CLASP1: variants seen among roughly 807,000 people sequenced by gnomAD.
CLASP1 encodes the protein cytoplasmic linker associated protein 1.
In CLASP1, 38 loss-of-function variants were observed where a neutral mutation model predicts 192.3. That is an observed-to-expected ratio of 0.20 (90% CI 0.15 to 0.26). The LOEUF (loss-of-function observed/expected upper bound fraction) is 0.26. Among genes scored for constraint, CLASP1 ranks in the 10% least tolerant of loss-of-function variants. The probability of loss-of-function intolerance (pLI) is 1.00; values close to 1 mark genes in which losing one functional copy is unlikely to be tolerated. For missense variants in CLASP1, 1,433 were observed against 1,932.5 expected, an observed-to-expected ratio of 0.74 and a Z score of 4.85; for synonymous variants, 691 against 712.8, an observed-to-expected ratio of 0.97 and a Z score of 0.49.
intron 30 of CLASP1, among the ~76,000 whole-genome samples, chr2:121,390,034 C>T (rs897551516): frequency 1.9e-4 from 29 of 152,116 alleles, no homozygotes; most frequent in African/African-American, 6.8e-4. Context: ...GCCATAGTGC[C>T]GGGCCCAAGT....
rs1453729675 is a variant in CLASP1 at position 121,430,110 on chromosome 2, C to G, written c.1980G>C (p.Arg660=). The change falls in exon 20 of 40, where the codon CGG becomes CGC. Residue 660 remains arginine, a synonymous_variant. Coordinates refer to ENST00000263710, the Ensembl canonical transcript of CLASP1. Reference sequence around the variant, plus strand: ...AAACCACTTTAGCGCGACTGCGGCCCCGGTTATCAGGTGTAGAGGCGACGT... The same window carrying G: ...AAACCACTTTAGCGCGACTGCGGCCGCGGTTATCAGGTGTAGAGGCGACGT... 3.8e-6 allele frequency: 6 copies of G among 1,576,336 alleles called. No individual in the cohort carries two copies. In the African/African-American group the frequency reaches 5.4e-5, roughly 14 times the overall value.
chr2:121,441,621 C>T (rs191388545), intron 19 of CLASP1, among the ~76,000 whole-genome samples: 1 of 151,982 alleles, frequency 6.6e-6, no homozygotes, highest in African/African-American at 2.4e-5. Context: ...GTCCCAGCTA[C>T]TCTGACAGAC....
intron 2 of CLASP1, among the ~76,000 whole-genome samples, chr2:121,549,435 A>G (rs1469663885): frequency 1.3e-5 from 2 of 152,190 alleles, no homozygotes; most frequent in East Asian, 3.9e-4. Context: ...ACCCAGATTC[A>G]TAAAGAAAGT....
chr2:121,460,183 C>A, intron 11 of CLASP1, 58 bp from the exon 12 acceptor site: 1 of 1,367,242 alleles, frequency 7.3e-7, no homozygotes, highest in Non-Finnish European at 1.0e-6. Flanking sequence ...AGACTATACA[C>A]AACAAAAGAA....
At chr2:121,359,470 G>A (rs1432562042) in intron 37 of CLASP1, among the ~76,000 whole-genome samples, 4 of 152,126 alleles carry the variant, frequency 2.6e-5, no homozygotes, top group Admixed American at 2.0e-4. Flanking sequence ...ATCACCAAAG[G>A]AGAGGTTCTG....
chr2:121,366,947 C>T (rs1443024287), intron 35 of CLASP1, among the ~76,000 whole-genome samples: 2 of 152,220 alleles, frequency 1.3e-5, no homozygotes, highest in Non-Finnish European at 2.9e-5. Flanking sequence ...TGCTTCTGCT[C>T]CCTACTTCCT....
At chr2:121,371,534 T>C (rs1388898072) in intron 34 of CLASP1, among the ~76,000 whole-genome samples, 1 of 152,052 alleles carries the variant, frequency 6.6e-6, no homozygotes, top group Non-Finnish European at 1.5e-5. Flanking sequence ...CCACCATAAT[T>C]GGAAAAAGTA....
intron 8 of CLASP1, among the ~76,000 whole-genome samples, chr2:121,501,430 T>TGAA (rs2093750260): frequency 6.6e-6 from 1 of 152,124 alleles, no homozygotes; most frequent in Non-Finnish European, 1.5e-5. Flanking sequence ...TTTTAAAAGC[T>TGAA]GAAAGTATGT....
intron 37 of CLASP1, among the ~76,000 whole-genome samples, chr2:121,350,968 G>A (rs1476796574): frequency 6.6e-6 from 1 of 152,190 alleles, no homozygotes; most frequent in Non-Finnish European, 1.5e-5. Context: ...TTGTAGCAAG[G>A]AAAATGTATT....
intron 26 of CLASP1, chr2:121,403,468 T>C: frequency 2.2e-6 from 1 of 456,756 alleles, no homozygotes; most frequent in Non-Finnish European, 4.4e-6. Context: ...CTGGGCTCTC[T>C]GGCCATCACA....
At chr2:121,577,949 T>C (rs192293951) in intron 2 of CLASP1, among the ~76,000 whole-genome samples, 3 of 152,124 alleles carry the variant, frequency 2.0e-5, no homozygotes, top group African/African-American at 7.2e-5. Context: ...AATTGACTGA[T>C]TGAGAAAGAG....
chr2:121,373,047 T>G (rs954934906), intron 34 of CLASP1, among the ~76,000 whole-genome samples: 6 of 152,252 alleles, frequency 3.9e-5, no homozygotes, highest in Middle Eastern at 3.2e-3. Context: ...CTGATATGGT[T>G]TGGCTCTGTG....
At chr2:121,611,368 T>G (rs1350819443) in intron 1 of CLASP1, among the ~76,000 whole-genome samples, 14 of 86,948 alleles carry the variant, frequency 1.6e-4, no homozygotes, top group South Asian at 3.9e-4. Context: ...GGAGGAGGTG[T>G]TGGAGGAGTT....
intron 33 of CLASP1, among the ~76,000 whole-genome samples, chr2:121,377,922 G>C (rs1438780047): frequency 6.6e-6 from 1 of 152,164 alleles, no homozygotes; most frequent in African/African-American, 2.4e-5. Context: ...AACTCAAAGA[G>C]TGACACTGGT....
chr2:121,549,865 G>A (rs1333325804), intron 2 of CLASP1, among the ~76,000 whole-genome samples: 2 of 151,882 alleles, frequency 1.3e-5, no homozygotes, highest in Non-Finnish European at 2.9e-5. Context: ...AATTAGCCAG[G>A]CGTGGTGGCG....
intron 19 of CLASP1, among the ~76,000 whole-genome samples, chr2:121,439,126 T>C (rs2082818465): frequency 6.6e-6 from 1 of 151,690 alleles, no homozygotes; most frequent in Non-Finnish European, 1.5e-5. Context: ...GTAGAGGTGT[T>C]TGTAGTATTC....
Position 121,427,573 on chromosome 2 carries a change from T to C in CLASP1, c.2018-143A>G, listed in dbSNP as rs150751098. 162 of 775,692 alleles carry C rather than the reference T, an allele frequency of 2.1e-4. No individual in the cohort carries two copies. In the African/African-American group the frequency reaches 2.3e-3, roughly 11 times the overall value. The allele number at this position is 775,692 out of a possible 1,614,324, so 48.1% of individuals were successfully genotyped here. ...AAACAGCTATATTTCCTAGGACTTG[T>C]TCCTCCTATTTTTGTACTTATGTTT... On this transcript the variant is annotated intron_variant, in intron 20 of 39. Coordinates refer to ENST00000263710, the Ensembl canonical transcript of CLASP1.
chr2:121,430,411 A>T (rs186687892), intron 19 of CLASP1, among the ~76,000 whole-genome samples: 2 of 152,390 alleles, frequency 1.3e-5, no homozygotes, highest in African/African-American at 2.4e-5. Flanking sequence ...AACTCCTGAG[A>T]TGGAGCCATG....
intron 2 of CLASP1, among the ~76,000 whole-genome samples, chr2:121,581,322 C>T (rs942597358): frequency 2.7e-4 from 35 of 127,774 alleles, no homozygotes; most frequent in East Asian, 1.2e-3. Flanking sequence ...GGCCGGACTG[C>T]GGACTGCAGT....
Sources: gnomAD v4.1 joint callset for allele counts (sites outside exome capture counted in the v4.1 genomes callset) on GRCh38, gnomAD v4.1.1 for gene constraint, MANE v1.5 for transcripts, NCBI Gene and HGNC (gene_info 2026-07-23, HGNC 2026-07-21) for gene names.